The following RHOA variants were observed in gnomAD, a reference collection of about 807,000 sequenced individuals.
RHOA encodes the protein ras homolog family member A.
Under a neutral mutation model 17.5 loss-of-function variants are expected in RHOA, and 3 were observed. That is an observed-to-expected ratio of 0.17 (90% CI 0.08 to 0.44). RHOA has a LOEUF of 0.44. Among genes scored for constraint, RHOA ranks in the 20% least tolerant of loss-of-function variants. The probability of loss-of-function intolerance (pLI) is 0.99; values close to 1 mark genes in which losing one functional copy is unlikely to be tolerated. For missense variants in RHOA, 56 were observed against 242.3 expected, an observed-to-expected ratio of 0.23 and a Z score of 5.10; for synonymous variants, 98 against 88.4, an observed-to-expected ratio of 1.11 and a Z score of -0.61.
At position 49,384,510 on chromosome 3, in the gene RHOA, T is replaced by C. The variant is rs577934220; in HGVS notation, c.-2-8919A>G. Among the ~76,000 whole-genome samples the C allele has an allele frequency of 7.9e-5, 12 of 151,866 alleles. No homozygotes were observed. In the South Asian group the frequency reaches 2.5e-3, roughly 32 times the overall value. On this transcript the variant is annotated intron_variant, in intron 1 of 4. Coordinates refer to ENST00000418115, the MANE Select transcript of RHOA (RefSeq NM_001664.4). ...AAATAACAGTATTTCTTTTACAACT[T>C]TTAATTTTTTTTTTTTGAGACAGGG...
At chr3:49,364,446 T>C (rs978881497) in intron 3 of RHOA, among the ~76,000 whole-genome samples, 28 of 148,610 alleles carry the variant, frequency 1.9e-4, no homozygotes, top group African/African-American at 6.5e-4. Flanking sequence ...GATCGTGCCA[T>C]TGCACTCCAG....
chr3:49,365,770 T>C (rs375359418), intron 3 of RHOA, among the ~76,000 whole-genome samples: 4 of 151,796 alleles, frequency 2.6e-5, no homozygotes, highest in Admixed American at 6.6e-5. Flanking sequence ...TTTGTATTTT[T>C]AGTAGCGACA....
At chr3:49,379,597 T>C (rs2048285228) in intron 1 of RHOA, among the ~76,000 whole-genome samples, 1 of 152,104 alleles carries the variant, frequency 6.6e-6, no homozygotes, top group Non-Finnish European at 1.5e-5. Context: ...CACTGCAACC[T>C]TAGCCTCCCC....
intron 2 of RHOA, among the ~76,000 whole-genome samples, chr3:49,372,946 G>A (rs2107845287): frequency 6.6e-6 from 1 of 152,228 alleles, no homozygotes; most frequent in Non-Finnish European, 1.5e-5. Flanking sequence ...GCCCTACAAT[G>A]AGGGACCCTG....
chr3:49,360,463 A>C, intron 4 of RHOA, 81 bp from the exon 5 acceptor site: 1 of 1,442,686 alleles, frequency 6.9e-7, no homozygotes, highest in Non-Finnish European at 9.3e-7. Flanking sequence ...AATTCATCTA[A>C]AAGATTTTTT....
chr3:49,377,360 A>C (rs1312028147), intron 1 of RHOA, among the ~76,000 whole-genome samples: 3 of 152,108 alleles, frequency 2.0e-5, no homozygotes. Context: ...TGGGAGGCCG[A>C]AACAGGTGGA....
chr3:49,375,996 G>A (rs542795223), intron 1 of RHOA, among the ~76,000 whole-genome samples: 8 of 152,056 alleles, frequency 5.3e-5, no homozygotes, highest in South Asian at 4.2e-4. Flanking sequence ...TTACAGGCAC[G>A]TACCACCACA....
chr3:49,378,243 T>A (rs1278374013), intron 1 of RHOA, among the ~76,000 whole-genome samples: 6 of 114,028 alleles, frequency 5.3e-5, no homozygotes, highest in Non-Finnish European at 8.6e-5. Flanking sequence ...CATCTATCTT[T>A]TTTTTTTTTT....
intron 1 of RHOA, among the ~76,000 whole-genome samples, chr3:49,400,264 C>A (rs1470307163): frequency 6.7e-6 from 1 of 149,400 alleles, no homozygotes; most frequent in African/African-American, 2.5e-5. Flanking sequence ...CTGCCCCCCT[C>A]TCCCCCAACA....
intron 1 of RHOA, among the ~76,000 whole-genome samples, chr3:49,407,232 GTTTTTTTTTT>G (rs61556875): frequency 8.6e-5 from 6 of 70,066 alleles, no homozygotes; most frequent in African/African-American, 2.1e-4. Context: ...AATCCTTTCC[GTTTTTTTTTT>G]TTTTTTTTTT....
intron 1 of RHOA, among the ~76,000 whole-genome samples, chr3:49,392,902 C>T (rs767075216): frequency 6.6e-6 from 1 of 152,114 alleles, no homozygotes; most frequent in Non-Finnish European, 1.5e-5. Context: ...AGAGGCCAGG[C>T]GTGATGGCTC....
At chr3:49,387,751 A>C (rs1298905795) in intron 1 of RHOA, among the ~76,000 whole-genome samples, 1 of 137,406 alleles carries the variant, frequency 7.3e-6, no homozygotes. Context: ...AAAAAAAAAA[A>C]ACAAAAAAAA....
chr3:49,381,509 A>T (rs1575659013), intron 1 of RHOA, among the ~76,000 whole-genome samples: 1 of 151,502 alleles, frequency 6.6e-6, no homozygotes, highest in Non-Finnish European at 1.5e-5. Context: ...AGGCAGGCGG[A>T]GGTTGCAGTG....
chr3:49,370,759 T>G (rs1162659336), intron 2 of RHOA, among the ~76,000 whole-genome samples: 1 of 152,140 alleles, frequency 6.6e-6, no homozygotes, highest in Non-Finnish European at 1.5e-5. Context: ...ACCCCATTCT[T>G]ATCACCAGAC....
At chr3:49,393,805 G>C (rs1375509857) in intron 1 of RHOA, among the ~76,000 whole-genome samples, 4 of 151,222 alleles carry the variant, frequency 2.6e-5, no homozygotes, top group Non-Finnish European at 4.4e-5. Flanking sequence ...CGCCTCCCGG[G>C]TTCAAGCAGT....
intron 1 of RHOA, among the ~76,000 whole-genome samples, chr3:49,386,035 C>T (rs952319189): frequency 2.0e-5 from 3 of 151,750 alleles, no homozygotes; most frequent in African/African-American, 7.3e-5. Context: ...TGTTTTTTTC[C>T]AAGATTATTT....
At chr3:49,399,351 C>A (rs1177410) in intron 1 of RHOA, among the ~76,000 whole-genome samples, 2 of 146,282 alleles carry the variant, frequency 1.4e-5, no homozygotes, top group Admixed American at 1.4e-4. Context: ...GCCTGGGCGA[C>A]AGAGCGAGAC....
chr3:49,360,123 A>G lies in RHOA; in HGVS notation c.*86T>C. ...TGTAATCTTAGGTAAATTATAGATA[A>G]ATGAAAAAGGCCAGTAATCATACAC... On this transcript the variant is annotated 3_prime_UTR_variant, in exon 5 of 5. Transcript: ENST00000418115. 7.5e-7 allele frequency: 1 copy of G among 1,333,746 alleles called. No individual in the cohort carries two copies. The highest frequency in any genetic ancestry group is 1.0e-6 in the Non-Finnish European group (1 of 970,434). 82.6% of individuals were successfully genotyped at this position (1,333,746 alleles called of 1,614,324 possible). A position where few individuals can be genotyped will look rare whatever the true frequency, so the allele number is the denominator to read the frequency against.
At chr3:49,363,779 G>A (rs189842920) in intron 3 of RHOA, among the ~76,000 whole-genome samples, 5 of 152,130 alleles carry the variant, frequency 3.3e-5, no homozygotes, top group African/African-American at 9.6e-5. Flanking sequence ...TTGAACCCAG[G>A]AGGTGGAGGT....
Sources: gnomAD v4.1 joint callset for allele counts (sites outside exome capture counted in the v4.1 genomes callset) on GRCh38, gnomAD v4.1.1 for gene constraint, MANE v1.5 for transcripts, NCBI Gene and HGNC (gene_info 2026-07-23, HGNC 2026-07-21) for gene names.